The following PKP1 variants were observed in gnomAD, a reference collection of about 807,000 sequenced individuals.
PKP1 encodes the protein plakophilin 1.
A neutral mutation model predicts 76.4 loss-of-function variants in PKP1; 27 were observed. That is an observed-to-expected ratio of 0.35 (90% CI 0.26 to 0.49). PKP1 has a LOEUF of 0.49. Among genes scored for constraint, PKP1 ranks in the 20% least tolerant of loss-of-function variants. The pLI, the probability that PKP1 is intolerant of heterozygous loss-of-function variation, is 0.99. For missense variants in PKP1, 964 were observed against 955.2 expected, an observed-to-expected ratio of 1.01 and a Z score of -0.12; for synonymous variants, 404 against 384.2, an observed-to-expected ratio of 1.05 and a Z score of -0.60.
At chr1:201,313,101 C>A in intron 2 of PKP1, 65 bp from the exon 3 acceptor site, 1 of 1,529,638 alleles carries the variant, frequency 6.5e-7, no homozygotes, top group South Asian at 1.2e-5. Context: ...GTATCTCATG[C>A]CCTGCTGGAT....
At chr1:201,316,401 G>A (rs1472299708) in intron 3 of PKP1, 152 bp from the exon 4 acceptor site, 1 of 719,996 alleles carries the variant, frequency 1.4e-6, no homozygotes, top group Admixed American at 2.5e-5. Flanking sequence ...TGTTCCCAGG[G>A]GTATTCTCCA....
rs138800302 is a variant in PKP1, at chr1:201,327,620, G to A, written c.2107-1142G>A. ...ACCCCAAAACACAGAGTCCACCCCC[G>A]GCCTAAGACACACAGAGAATCCACT... On this transcript the variant is annotated intron_variant, in intron 12 of 13. Transcript: ENST00000367324. Among the ~76,000 whole-genome samples the A allele has an allele frequency of 4.6e-3, 694 of 151,858 alleles. 7 individuals carry two copies. The highest frequency in any genetic ancestry group is 0.016 in the African/African-American group (650 of 41,384).
chr1:201,319,769 G>A (rs1347826594), intron 6 of PKP1: 6 of 1,602,664 alleles, frequency 3.7e-6, no homozygotes, highest in South Asian at 1.1e-5. Context: ...GCCACCCCCA[G>A]ATCCACTTCT....
chr1:201,292,055 T>G lies in PKP1; in HGVS notation c.203-1887T>G, dbSNP rs183801561. On this transcript the variant is annotated intron_variant, in intron 1 of 13. Coordinates refer to ENST00000367324, the MANE Select transcript of PKP1 (RefSeq NM_001005337.3). Reference sequence around the variant, plus strand: ...ACATGGCAGAGTCCCAGGATGTTGCTCATAGGCGGATGGCCCTTCTGGAGT... The same window carrying G: ...ACATGGCAGAGTCCCAGGATGTTGCGCATAGGCGGATGGCCCTTCTGGAGT... Among the ~76,000 whole-genome samples the G allele has an allele frequency of 1.8e-3, 278 of 152,312 alleles. 1 individual carries two copies. Among genetic ancestry groups the G allele is most frequent in the Middle Eastern group, 0.01 (3 of 294 alleles).
intron 12 of PKP1, among the ~76,000 whole-genome samples, chr1:201,326,427 C>T (rs972182960): frequency 3.3e-5 from 5 of 152,194 alleles, no homozygotes; most frequent in African/African-American, 9.7e-5. Context: ...GTACAGAGTC[C>T]TCTAGGGTAT....
rs79718795 is a variant in PKP1 at position 201,289,436 on chromosome 1, A to C, written c.203-4506A>C. 5.8e-3 allele frequency among the ~76,000 whole-genome samples: 881 copies of C among 152,322 alleles called. 8 individuals carry two copies. Among genetic ancestry groups the C allele is most frequent in the African/African-American group, 0.021 (856 of 41,570 alleles). On this transcript the variant is annotated intron_variant, in intron 1 of 13. Transcript: ENST00000367324. The stretch of plus-strand genomic sequence containing the variant: ...GCATCGGCCTTAAGGGAGACAGAGT[A>C]AGCAAGAATGTGTTCCGAGCAGCTT...
intron 7 of PKP1, 148 bp from the exon 8 acceptor site, chr1:201,321,830 C>A: frequency 1.2e-6 from 1 of 862,654 alleles, no homozygotes; most frequent in Non-Finnish European, 1.8e-6. Flanking sequence ...TGGAAGACTT[C>A]CCAGGCTGAT....
intron 2 of PKP1, among the ~76,000 whole-genome samples, chr1:201,294,935 C>T (rs1656030341): frequency 6.6e-6 from 1 of 152,228 alleles, no homozygotes; most frequent in Admixed American, 6.5e-5. Context: ...CTAGATGACA[C>T]CCAAGGTTTC....
chr1:201,310,922 A>C (rs1341323278), intron 2 of PKP1, among the ~76,000 whole-genome samples: 1 of 152,202 alleles, frequency 6.6e-6, no homozygotes, highest in African/African-American at 2.4e-5. Flanking sequence ...GAGACTTGGC[A>C]AGGCTGCCAG....
chr1:201,309,761 G>C (rs991644898), intron 2 of PKP1, among the ~76,000 whole-genome samples: 1 of 152,192 alleles, frequency 6.6e-6, no homozygotes, highest in African/African-American at 2.4e-5. Flanking sequence ...GTTTGGAAAC[G>C]TGTGGGGACA....
chr1:201,332,481 C>T lies in PKP1; in HGVS notation c.*2440C>T, dbSNP rs951809824. 2 of 152,304 alleles carry T rather than the reference C, an allele frequency of 1.3e-5. No homozygotes were observed. The highest frequency in any genetic ancestry group is 2.4e-5 in the African/African-American group (1 of 41,462). The allele number at this position is 152,304 out of a possible 1,614,324, so 9.4% of individuals were successfully genotyped here. ...TTTCCTAGAGAAAGAGAACAAGGAG[C>T]TTGCCAGGCTTCATGTAGCCGACAC... On this transcript the variant is annotated 3_prime_UTR_variant, in exon 14 of 14. Coordinates refer to ENST00000367324, the MANE Select transcript of PKP1 (RefSeq NM_001005337.3).
rs969170447 is a variant in PKP1 at position 201,331,499 on chromosome 1, T to G, written c.*1458T>G. On this transcript the variant is annotated 3_prime_UTR_variant, in exon 14 of 14. Coordinates refer to ENST00000367324, the MANE Select transcript of PKP1 (RefSeq NM_001005337.3). ...AGAGCCCAGCGCTCCCAAGCCTTCC[T>G]CCTTCCAGCTTCTACCTCCATGCTA... 2.0e-5 allele frequency: 3 copies of G among 152,422 alleles called. No homozygotes were observed. Among genetic ancestry groups the G allele is most frequent in the Admixed American group, 2.0e-4 (3 of 15,286 alleles). 9.4% of individuals were successfully genotyped at this position (152,422 alleles called of 1,614,324 possible).
chr1:201,305,623 A>C (rs865971980), intron 2 of PKP1, among the ~76,000 whole-genome samples: 1 of 151,874 alleles, frequency 6.6e-6, no homozygotes, highest in Non-Finnish European at 1.5e-5. Context: ...GGATGCTGCC[A>C]CCTCCCAGCC....
intron 1 of PKP1, among the ~76,000 whole-genome samples, chr1:201,290,187 C>A (rs1316874343): frequency 1.3e-5 from 2 of 152,126 alleles, no homozygotes; most frequent in African/African-American, 4.8e-5. Flanking sequence ...TGGTTTTACA[C>A]CCTAAAACGC....
Position 201,325,822 on chromosome 1 carries a change from A to G in PKP1, c.2090A>G (p.Gln697Arg), listed in dbSNP as rs1406966092. The change falls in exon 12 of 14, where the codon CAG becomes CGG. Residue 697 changes from glutamine (Q) to arginine (R), a missense_variant. Physicochemically the swap from Gln to Arg is conservative, Grantham distance 43 (BLOSUM62 1). Transcript: ENST00000367324. ...LSDMWSSKEL[Q>R]GVLRQQGFDR... ...GACATGTGGTCCAGCAAGGAACTGC[A>G]GGGTGTCCTCAGACAGGTAAGAGCC... 6.2e-7 allele frequency: 1 copy of G among 1,613,586 alleles called. No individual in the cohort carries two copies. The highest frequency in any genetic ancestry group is 8.5e-7 in the Non-Finnish European group (1 of 1,179,568).
chr1:201,288,898 G>T (rs764790920), intron 1 of PKP1, among the ~76,000 whole-genome samples: 1 of 152,178 alleles, frequency 6.6e-6, no homozygotes, highest in Non-Finnish European at 1.5e-5. Flanking sequence ...GAGTCACATG[G>T]GCTGGAGAGG....
chr1:201,312,934 T>A (rs190541904), intron 2 of PKP1, among the ~76,000 whole-genome samples: 3 of 152,320 alleles, frequency 2.0e-5, no homozygotes, highest in Non-Finnish European at 1.5e-5. Context: ...TCCATCTTTT[T>A]AAAAATGATG....
intron 2 of PKP1, among the ~76,000 whole-genome samples, chr1:201,295,151 A>G (rs1030935645): frequency 6.6e-6 from 1 of 152,176 alleles, no homozygotes; most frequent in East Asian, 1.9e-4. Flanking sequence ...TCTCACAGAT[A>G]TCACTCCTGA....
In PKP1 at chr1:201,325,075, C is replaced by G; in HGVS notation, c.1969C>G (p.Gln657Glu). ...LMASQPQLAK[Q>E]YFSSSMLNNI... is the part of the protein sequence containing the mutation. The stretch of plus-strand genomic sequence containing the variant: ...GGCCTCGCAGCCACAACTGGCCAAG[C>G]AGTACTTCTCCAGCAGCATGCTCAA... Residue 657 changes from glutamine to glutamate, a missense_variant, in exon 11 of 14, where the codon CAG (glutamine) becomes GAG (glutamate). Coordinates refer to ENST00000367324, the MANE Select transcript of PKP1 (RefSeq NM_001005337.3). 6.2e-7 allele frequency: 1 copy of G among 1,614,060 alleles called. No individual in the cohort carries two copies. The highest frequency in any genetic ancestry group is 8.5e-7 in the Non-Finnish European group (1 of 1,180,040).
Sources: gnomAD v4.1 joint callset for allele counts (sites outside exome capture counted in the v4.1 genomes callset) on GRCh38, gnomAD v4.1.1 for gene constraint, MANE v1.5 for transcripts, NCBI Gene and HGNC (gene_info 2026-07-23, HGNC 2026-07-21) for gene names.